The following VSTM4 variants were observed in gnomAD, a reference collection of about 807,000 sequenced individuals.
VSTM4 encodes V-set and transmembrane domain containing 4.
Under a neutral mutation model 36.4 loss-of-function variants are expected in VSTM4, and 20 were observed. That is an observed-to-expected ratio of 0.55 (90% CI 0.39 to 0.80). The LOEUF (loss-of-function observed/expected upper bound fraction) is 0.80. VSTM4 is among the 30% of genes least tolerant of loss of function. VSTM4 has a pLI of 0.00. For synonymous variants in VSTM4, 182 were observed against 173.9 expected (o/e 1.05, Z -0.37); for missense variants, 392 against 404.5 (o/e 0.97, Z 0.26).
rs768445786 is a variant in VSTM4 at position 49,108,785 on chromosome 10, G to A, written c.56-790C>T. Among the ~76,000 whole-genome samples, 13 of 152,186 alleles carry A rather than the reference G, an allele frequency of 8.5e-5. No homozygotes were observed. In the South Asian group the frequency reaches 1.7e-3, roughly 19 times the overall value. The stretch of plus-strand genomic sequence containing the variant: ...TTGGTTCCTTAGTTAAAACCAGCCC[G>A]AGGGCTGCCCACTCCCAGCCACTGT... On this transcript the variant is annotated intron_variant, in intron 1 of 7. Coordinates refer to ENST00000332853, the MANE Select transcript of VSTM4 (RefSeq NM_001031746.5).
chr10:49,036,158 A>G (rs1843427905), intron 7 of VSTM4, among the ~76,000 whole-genome samples: 1 of 152,104 alleles, frequency 6.6e-6, no homozygotes, highest in African/African-American at 2.4e-5. Context: ...CTCTCTCTAG[A>G]CTGGAGGAAG....
intron 7 of VSTM4, among the ~76,000 whole-genome samples, chr10:49,036,682 G>A (rs1247094751): frequency 6.6e-6 from 1 of 152,214 alleles, no homozygotes; most frequent in African/African-American, 2.4e-5. Context: ...ACTGATAAGA[G>A]ACAGATTCTT....
chr10:49,110,327 G>A (rs1485483059), intron 1 of VSTM4, among the ~76,000 whole-genome samples: 1 of 152,324 alleles, frequency 6.6e-6, no homozygotes, highest in East Asian at 1.9e-4. Context: ...TTTCTTCCTG[G>A]AGGCAAGCTA....
At chr10:49,050,894 CTTTA>C (rs1843686723) in intron 5 of VSTM4, among the ~76,000 whole-genome samples, 1 of 152,112 alleles carries the variant, frequency 6.6e-6, no homozygotes, top group Admixed American at 6.5e-5. Context: ...TTTAAACAGA[CTTTA>C]TTTTTTAGAG....
At chr10:49,103,883 A>AT in intron 2 of VSTM4, 2 of 1,610,436 alleles carry the variant, frequency 1.2e-6, no homozygotes, top group Non-Finnish European at 1.7e-6. Flanking sequence ...GGGAGGTGAC[A>AT]TGAGCAGGTT....
rs1843071622 is a variant in VSTM4 at position 49,014,341 on chromosome 10, T to G, written c.*5309A>C. 6.6e-6 allele frequency: 1 copy of G among 152,208 alleles called. No homozygotes were observed. Among genetic ancestry groups the G allele is most frequent in the African/African-American group, 2.4e-5 (1 of 41,452 alleles). 9.4% of individuals were successfully genotyped at this position (152,208 alleles called of 1,614,324 possible). ...ATTTAAAACTGTAGAGTGCAGTACA[T>G]TAACATTTAACAATCAGACACTAAA... is the stretch of plus-strand genomic sequence containing the variant. On this transcript the variant is annotated 3_prime_UTR_variant, in exon 8 of 8. Transcript: ENST00000332853.
chr10:49,080,615 G>A (rs1178102932), intron 3 of VSTM4, among the ~76,000 whole-genome samples: 2 of 152,270 alleles, frequency 1.3e-5, no homozygotes, highest in African/African-American at 4.8e-5. Context: ...AGGGGCAGGT[G>A]TGTGGAAGGG....
At chr10:49,073,898 T>C (rs530271966) in intron 4 of VSTM4, among the ~76,000 whole-genome samples, 11 of 152,366 alleles carry the variant, frequency 7.2e-5, no homozygotes, top group African/African-American at 2.6e-4. Context: ...ATTTTCTCCA[T>C]GCTAATGCAC....
intron 2 of VSTM4, chr10:49,103,666 G>A (rs1844709926): frequency 5.7e-6 from 9 of 1,572,380 alleles, no homozygotes; most frequent in Non-Finnish European, 7.7e-6. Flanking sequence ...GTTCATGACA[G>A]GGAAATGAGG....
chr10:49,077,327 C>G lies in VSTM4; in HGVS notation c.527-1G>C. 6.2e-7 allele frequency: 1 copy of G among 1,614,172 alleles called. No individual in the cohort carries two copies. Among genetic ancestry groups the G allele is most frequent in the South Asian group, 1.1e-5 (1 of 91,082 alleles). On this transcript the variant is annotated splice_acceptor_variant, in intron 3 of 7. Coordinates refer to ENST00000332853, the MANE Select transcript of VSTM4 (RefSeq NM_001031746.5). LOFTEE classifies it high-confidence loss of function. Reference sequence around the variant, plus strand: ...ACGAGGACAGCATACACATAGAGATCTGAAAGGCAAGGACAGACACGTGAG... The same window carrying G: ...ACGAGGACAGCATACACATAGAGATGTGAAAGGCAAGGACAGACACGTGAG...
chr10:49,089,527 C>T (rs1326026623), intron 2 of VSTM4, among the ~76,000 whole-genome samples: 1 of 152,188 alleles, frequency 6.6e-6, no homozygotes, highest in East Asian at 1.9e-4. Context: ...AAGCAACAAG[C>T]TCTCCCTAAT....
chr10:49,077,342 A>G lies in VSTM4; in HGVS notation c.527-16T>C. 1 of 1,613,330 alleles carries G rather than the reference A, an allele frequency of 6.2e-7. No homozygotes were observed. Among genetic ancestry groups the G allele is most frequent in the South Asian group, 1.1e-5 (1 of 91,062 alleles). On this transcript the variant is annotated splice_polypyrimidine_tract_variant and intron_variant, in intron 3 of 7. Transcript: ENST00000332853. ...ACATAGAGATCTGAAAGGCAAGGAC[A>G]GACACGTGAGTCAGCCTTCTGGGGG...
chr10:49,065,999 A>T (rs535893155), intron 4 of VSTM4, among the ~76,000 whole-genome samples: 1 of 152,068 alleles, frequency 6.6e-6, no homozygotes, highest in African/African-American at 2.4e-5. Flanking sequence ...CGAACATTTC[A>T]TGTGTCCCTG....
At chr10:49,100,648 A>G (rs1287362780) in intron 2 of VSTM4, among the ~76,000 whole-genome samples, 1 of 152,166 alleles carries the variant, frequency 6.6e-6, no homozygotes, top group Non-Finnish European at 1.5e-5. Flanking sequence ...TTAAAATCAT[A>G]AAGATGTCTA....
Position 49,027,420 on chromosome 10 carries a change from G to A in VSTM4, c.838-7645C>T, listed in dbSNP as rs189868842. Among the ~76,000 whole-genome samples the A allele has an allele frequency of 2.0e-3, 298 of 152,236 alleles. 1 individual carries two copies. The highest frequency in any genetic ancestry group is 2.1e-3 in the Non-Finnish European group (145 of 68,032). On this transcript the variant is annotated intron_variant, in intron 7 of 7. Coordinates refer to ENST00000332853, the MANE Select transcript of VSTM4 (RefSeq NM_001031746.5). ...CACTCATGCCTCCTGCTGTGTCTCCGATGACATAATGGAGGTTTCTCAAAA... is the reference window on the plus strand; with the variant it reads ...CACTCATGCCTCCTGCTGTGTCTCCAATGACATAATGGAGGTTTCTCAAAA...
intron 7 of VSTM4, among the ~76,000 whole-genome samples, chr10:49,040,151 T>C (rs182968791): frequency 5.1e-4 from 77 of 152,350 alleles, no homozygotes; most frequent in Admixed American, 6.5e-4. Context: ...AAAGCGCCTG[T>C]GTGATCCATG....
intron 2 of VSTM4, among the ~76,000 whole-genome samples, chr10:49,094,561 G>A (rs535460421): frequency 5.3e-5 from 8 of 152,302 alleles, no homozygotes; most frequent in East Asian, 1.9e-4. Flanking sequence ...AGAGGAAAAT[G>A]TAAAGGGGCT....
intron 5 of VSTM4, among the ~76,000 whole-genome samples, chr10:49,054,495 G>A (rs532557801): frequency 6.6e-6 from 1 of 152,304 alleles, no homozygotes; most frequent in East Asian, 1.9e-4. Context: ...GCGCAGAGGA[G>A]GAAGGGGGCA....
At chr10:49,073,535 G>A (rs1187768789) in intron 4 of VSTM4, among the ~76,000 whole-genome samples, 2 of 152,170 alleles carry the variant, frequency 1.3e-5, no homozygotes, top group African/African-American at 2.4e-5. Flanking sequence ...CTCCCTTGTT[G>A]AGCCTGTCTC....
Sources: gnomAD v4.1 joint callset for allele counts (sites outside exome capture counted in the v4.1 genomes callset) on GRCh38, gnomAD v4.1.1 for gene constraint, MANE v1.5 for transcripts, NCBI Gene and HGNC (gene_info 2026-07-23, HGNC 2026-07-21) for gene names.